GRM4: variants seen among roughly 807,000 people sequenced by gnomAD.
GRM4 encodes metabotropic glutamate receptor 4.
Under a neutral mutation model 81.7 loss-of-function variants are expected in GRM4, and 28 were observed. The observed-to-expected ratio is 0.34, with a 90% CI of 0.25 to 0.47. The LOEUF is 0.47. Ranked by LOEUF, GRM4 falls within the 20% of genes least tolerant of loss-of-function variation. GRM4 has a pLI of 1.00. For missense variants in GRM4, 948 were observed against 1,290.0 expected (o/e 0.73, Z 4.06); for synonymous variants, 488 against 528.8 (o/e 0.92, Z 1.06).
intron 3 of GRM4, among the ~76,000 whole-genome samples, chr6:34,073,187 A>G (rs542132960): frequency 3.1e-4 from 3 of 9,658 alleles, no homozygotes; most frequent in South Asian, 5.6e-3. Flanking sequence ...ACACAAATAC[A>G]CATTACACAA....
At chr6:34,099,260 G>A (rs1043242143) in intron 2 of GRM4, among the ~76,000 whole-genome samples, 5 of 152,212 alleles carry the variant, frequency 3.3e-5, no homozygotes, top group Admixed American at 2.6e-4. Flanking sequence ...CAGGGGAGCT[G>A]TGGAGGGAGC....
At chr6:34,033,725 CTCTCTT>C (rs1764557873) in intron 9 of GRM4, among the ~76,000 whole-genome samples, 1 of 151,620 alleles carries the variant, frequency 6.6e-6, no homozygotes, top group Non-Finnish European at 1.5e-5. Flanking sequence ...CTCCCTCTCT[CTCTCTT>C]TATTTCTTTT....
intron 3 of GRM4, 77 bp from the exon 4 acceptor site, chr6:34,062,105 G>T (rs141369587): frequency 1.4e-6 from 2 of 1,476,706 alleles, no homozygotes; most frequent in Non-Finnish European, 1.8e-6. Flanking sequence ...CATACACTCC[G>T]GGAGATGGGG....
chr6:34,043,639 C>T (rs1765120220), intron 6 of GRM4, among the ~76,000 whole-genome samples: 1 of 152,162 alleles, frequency 6.6e-6, no homozygotes, highest in Non-Finnish European at 1.5e-5. Flanking sequence ...TGGGGAAACA[C>T]ACCTCCCCCA....
At chr6:34,140,523 C>T (rs550777579) in intron 1 of GRM4, among the ~76,000 whole-genome samples, 1 of 152,270 alleles carries the variant, frequency 6.6e-6, no homozygotes, top group South Asian at 2.1e-4. Context: ...CAAGTCCCAT[C>T]GACAAGGCAA....
intron 6 of GRM4, among the ~76,000 whole-genome samples, chr6:34,050,176 G>A (rs1166629400): frequency 6.6e-6 from 1 of 152,106 alleles, no homozygotes; most frequent in African/African-American, 2.4e-5. Flanking sequence ...CCCACCCCAG[G>A]GCCTTTGCAC....
At chr6:34,103,569 AATTAT>A (rs1768956328) in intron 2 of GRM4, 1 of 1,524,694 alleles carries the variant, frequency 6.6e-7, no homozygotes, top group South Asian at 1.2e-5. Flanking sequence ...TAGATCAATA[AATTAT>A]ACTCACTTTT....
At chr6:34,145,948 C>T (rs1770914412) in intron 1 of GRM4, 52 bp downstream of exon 1, 1 of 973,402 alleles carries the variant, frequency 1.0e-6, no homozygotes, top group Non-Finnish European at 1.2e-6. Flanking sequence ...CCGGCGCCCT[C>T]TTCCGGAAGC....
intron 3 of GRM4, among the ~76,000 whole-genome samples, chr6:34,071,531 ACG>A (rs1766849304): frequency 2.9e-5 from 2 of 67,914 alleles, no homozygotes; most frequent in Non-Finnish European, 6.2e-5. Context: ...ACATCACCAC[ACG>A]GATACACACC....
Position 34,036,739 on chromosome 6 carries a change from C to T in GRM4, c.1507-136G>A, listed in dbSNP as rs578102535. ...TTGGCTAAAAGTCCAGCTGCCCGGA[C>T]CCCACAGGGACTTACTGAATCTAAC... On this transcript the variant is annotated intron_variant, in intron 8 of 10. Transcript: ENST00000538487. This position sits in a 1 kb window ranked among gnomAD's most constrained non-coding sequence, Gnocchi z 9.0. 2 of 595,410 alleles carry T rather than the reference C, an allele frequency of 3.4e-6. No individual in the cohort carries two copies. The highest frequency in any genetic ancestry group is 4.1e-5 in the South Asian group (2 of 49,326). 36.9% of individuals were successfully genotyped at this position (595,410 alleles called of 1,614,324 possible).
intron 2 of GRM4, among the ~76,000 whole-genome samples, chr6:34,116,975 CAGTT>C (rs1269081043): frequency 6.6e-6 from 1 of 152,136 alleles, no homozygotes; most frequent in Non-Finnish European, 1.5e-5. Context: ...CCAGTCTACA[CAGTT>C]AGAAATCAGG....
Position 34,022,630 on chromosome 6 carries a change from T to A in GRM4, c.*191A>T. The A allele has an allele frequency of 1.6e-6, 1 of 609,280 alleles. No homozygotes were observed. Among genetic ancestry groups the A allele is most frequent in the South Asian group, 1.9e-5 (1 of 52,056 alleles). 37.7% of individuals were successfully genotyped at this position (609,280 alleles called of 1,614,324 possible). Reference sequence around the variant, plus strand: ...CTGGCACCGCCCCGGCCCCTCGTCCTCCTGTTGCTCACCCGGTTTGCCCAG... The same window carrying A: ...CTGGCACCGCCCCGGCCCCTCGTCCACCTGTTGCTCACCCGGTTTGCCCAG... On this transcript the variant is annotated 3_prime_UTR_variant, in exon 11 of 11. Transcript: ENST00000538487. The surrounding 1 kb of genome is among the most constrained non-coding windows in gnomAD (Gnocchi z 5.6).
chr6:34,151,855 G>A (rs1771053473), intron 1 of GRM4, among the ~76,000 whole-genome samples: 1 of 152,112 alleles, frequency 6.6e-6, no homozygotes, highest in Non-Finnish European at 1.5e-5. Context: ...ACAAGTGAGT[G>A]TTCCATGGCA....
chr6:34,062,145 A>T, intron 3 of GRM4, 117 bp from the exon 4 acceptor site: 1 of 1,087,336 alleles, frequency 9.2e-7, no homozygotes, highest in Non-Finnish European at 1.3e-6. Flanking sequence ...CCCCAGCCTG[A>T]CTCCCAGCCC....
At position 34,152,240 on chromosome 6, in the gene GRM4, C is replaced by T. The variant is rs1247030825; in HGVS notation, c.312+2839G>A. Among the ~76,000 whole-genome samples, 2 of 152,168 alleles carry T rather than the reference C, an allele frequency of 1.3e-5. No individual in the cohort carries two copies. The highest frequency in any genetic ancestry group is 2.1e-4 in the South Asian group (1 of 4,828). On this transcript the variant is annotated intron_variant, in intron 1 of 8. Coordinates refer to the GRM4 transcript ENST00000374177. This position sits in a 1 kb window ranked among gnomAD's most constrained non-coding sequence, Gnocchi z 4.1. ...AAGACAGAGAGCTGGACGTAGGCCCCGGGACCTCCCACCGGCAGAGCCTGG... is the reference window on the plus strand; with the variant it reads ...AAGACAGAGAGCTGGACGTAGGCCCTGGGACCTCCCACCGGCAGAGCCTGG...
rs1194156222 is a variant in GRM4 at position 34,152,495 on chromosome 6, G to A, written c.312+2584C>T. Among the ~76,000 whole-genome samples, 1 of 152,090 alleles carries A rather than the reference G, an allele frequency of 6.6e-6. No individual in the cohort carries two copies. The highest frequency in any genetic ancestry group is 1.5e-5 in the Non-Finnish European group (1 of 68,014). On this transcript the variant is annotated intron_variant, in intron 1 of 8. Transcript: ENST00000374177. This position sits in a 1 kb window ranked among gnomAD's most constrained non-coding sequence, Gnocchi z 4.1. ...GGGTGGGGAGGATTCTGCTCCCCTC[G>A]AAGGAGGCAGCAGCATTTCTGCAAA...
chr6:34,137,750 A>AT (rs5875495), intron 1 of GRM4, among the ~76,000 whole-genome samples: 5,399 of 103,724 alleles, frequency 0.052, 343 homozygotes, highest in African/African-American at 0.12. Flanking sequence ...TGCCCACATA[A>AT]TTTTTTTTTT....
chr6:34,056,523 C>CT, intron 6 of GRM4, 21 bp downstream of exon 6: 1 of 1,606,778 alleles, frequency 6.2e-7, no homozygotes, highest in South Asian at 1.1e-5. Context: ...CCGCCCGGCC[C>CT]TGCCCGGCCC....
chr6:34,028,041 G>T, intron 10 of GRM4, 79 bp downstream of exon 10: 2 of 1,444,048 alleles, frequency 1.4e-6, no homozygotes, highest in East Asian at 2.4e-5. Flanking sequence ...GGGGTGGGGA[G>T]GGGCAGGAGC....
Sources: gnomAD v4.1 joint callset for allele counts (sites outside exome capture counted in the v4.1 genomes callset) on GRCh38, gnomAD v4.1.1 for gene constraint, Gnocchi (gnomAD v3.1) non-coding constraint, MANE v1.5 for transcripts, NCBI Gene and HGNC (gene_info 2026-07-23, HGNC 2026-07-21) for gene names.